Variants in TIAM1 observed in about 807,000 individuals in gnomAD.
TIAM1 encodes the protein rho guanine nucleotide exchange factor TIAM1.
A neutral mutation model predicts 163.5 loss-of-function variants in TIAM1; 65 were observed. That is an observed-to-expected ratio of 0.40 (90% CI 0.33 to 0.49). TIAM1 has a LOEUF of 0.49. Ranked by LOEUF, TIAM1 falls within the 20% of genes least tolerant of loss-of-function variation. The pLI is 0.77. For missense variants in TIAM1, 1,789 were observed against 2,044.7 expected, an observed-to-expected ratio of 0.87 and a Z score of 2.41; for synonymous variants, 833 against 810.1, an observed-to-expected ratio of 1.03 and a Z score of -0.48.
chr21:31,367,998 C>T (rs1475383283), intron 2 of TIAM1, among the ~76,000 whole-genome samples: 1 of 152,152 alleles, frequency 6.6e-6, no homozygotes, highest in Non-Finnish European at 1.5e-5. Flanking sequence ...AAAATAGCCA[C>T]TCTAGAATAT....
intron 8 of TIAM1, among the ~76,000 whole-genome samples, chr21:31,219,917 C>T (rs2087462182): frequency 6.6e-6 from 1 of 152,182 alleles, no homozygotes; most frequent in African/African-American, 2.4e-5. Context: ...TCTCTATTTT[C>T]ATCACTTTCT....
intron 2 of TIAM1, among the ~76,000 whole-genome samples, chr21:31,361,613 T>C (rs1401190219): frequency 6.6e-6 from 1 of 152,200 alleles, no homozygotes; most frequent in Non-Finnish European, 1.5e-5. Flanking sequence ...CACTGAATAG[T>C]AACCCCTTCC....
At chr21:31,396,036 A>C (rs2077062569) in intron 2 of TIAM1, among the ~76,000 whole-genome samples, 1 of 152,226 alleles carries the variant, frequency 6.6e-6, no homozygotes, top group Non-Finnish European at 1.5e-5. Context: ...CAGAGTGCTA[A>C]ACTAAATTAG....
At chr21:31,316,226 G>A (rs912287686) in intron 2 of TIAM1, among the ~76,000 whole-genome samples, 7 of 152,130 alleles carry the variant, frequency 4.6e-5, no homozygotes, top group African/African-American at 1.4e-4. Context: ...CAAAATTGAA[G>A]ATTGTCACCT....
chr21:31,234,901 CTAATCAGAAATGGGAACA>C (rs2088660475), intron 6 of TIAM1, among the ~76,000 whole-genome samples: 1 of 152,116 alleles, frequency 6.6e-6, no homozygotes, highest in Non-Finnish European at 1.5e-5. Context: ...CACAAACATG[CTAATCAGAAATGGGAACA>C]TAATCAGAAA....
intron 1 of TIAM1, among the ~76,000 whole-genome samples, chr21:31,542,383 C>T (rs935629767): frequency 1.1e-4 from 16 of 151,678 alleles, no homozygotes; most frequent in Admixed American, 7.2e-4. Context: ...GCCGAGACCG[C>T]GCCACTGCAC....
At chr21:31,129,998 T>C (rs1431116427) in intron 25 of TIAM1, among the ~76,000 whole-genome samples, 3 of 152,028 alleles carry the variant, frequency 2.0e-5, no homozygotes, top group African/African-American at 7.2e-5. Context: ...AGTTCATTCA[T>C]TCACTTGGTT....
chr21:31,128,684 A>G (rs2082299161), intron 25 of TIAM1, among the ~76,000 whole-genome samples: 1 of 151,248 alleles, frequency 6.6e-6, no homozygotes, highest in Non-Finnish European at 1.5e-5. Context: ...TGCAAATCAC[A>G]TCATAAGTAA....
At chr21:31,531,579 A>G (rs2147517470) in intron 1 of TIAM1, among the ~76,000 whole-genome samples, 1 of 152,314 alleles carries the variant, frequency 6.6e-6, no homozygotes, top group South Asian at 2.1e-4. Flanking sequence ...AGTAGCATAC[A>G]TTATAGAAGG....
intron 8 of TIAM1, among the ~76,000 whole-genome samples, chr21:31,217,940 C>T (rs1397998329): frequency 1.3e-5 from 2 of 152,120 alleles, no homozygotes; most frequent in East Asian, 1.9e-4. Flanking sequence ...AAATCATCAG[C>T]AAAAATACAT....
chr21:31,144,464 C>T (rs1351440515), intron 20 of TIAM1, among the ~76,000 whole-genome samples: 1 of 152,206 alleles, frequency 6.6e-6, no homozygotes. Flanking sequence ...TGTGAGTCCG[C>T]GATGAACATG....
chr21:31,295,272 C>T (rs545771540), intron 2 of TIAM1, among the ~76,000 whole-genome samples: 178 of 152,146 alleles, frequency 1.2e-3, no homozygotes, highest in South Asian at 8.3e-3. Flanking sequence ...AAATCGAGAC[C>T]ATCCCGGCTA....
At chr21:31,381,529 A>G (rs897671003) in intron 2 of TIAM1, among the ~76,000 whole-genome samples, 1 of 152,138 alleles carries the variant, frequency 6.6e-6, no homozygotes, top group Non-Finnish European at 1.5e-5. Context: ...TTAGCTGGGC[A>G]TGATGGTACA....
At chr21:31,128,413 T>G (rs2082290050) in intron 25 of TIAM1, among the ~76,000 whole-genome samples, 1 of 152,148 alleles carries the variant, frequency 6.6e-6, no homozygotes, top group South Asian at 2.1e-4. Flanking sequence ...CAAAGATGGC[T>G]TTGTCTTCAA....
At chr21:31,179,363 G>C (rs2084909616) in intron 15 of TIAM1, among the ~76,000 whole-genome samples, 2 of 151,552 alleles carry the variant, frequency 1.3e-5, no homozygotes, top group African/African-American at 4.8e-5. Flanking sequence ...CTCCAGCCTG[G>C]GCAACAAGAC....
At chr21:31,373,518 A>T (rs1194709205) in intron 2 of TIAM1, among the ~76,000 whole-genome samples, 2 of 152,190 alleles carry the variant, frequency 1.3e-5, no homozygotes, top group African/African-American at 4.8e-5. Context: ...ATCTCGTGAG[A>T]CTTATTTATA....
chr21:31,330,180 T>C (rs2075633001), intron 2 of TIAM1, among the ~76,000 whole-genome samples: 2 of 152,232 alleles, frequency 1.3e-5, no homozygotes, highest in African/African-American at 4.8e-5. Flanking sequence ...GCACCAGTCC[T>C]GTGTGCCCTG....
At chr21:31,199,532 AT>A (rs59602143) in intron 12 of TIAM1, among the ~76,000 whole-genome samples, 13,638 of 139,306 alleles carry the variant, frequency 0.098, 755 homozygotes, top group Admixed American at 0.21. Context: ...AGCCTAGAAC[AT>A]TTTTTTTTTT....
At chr21:31,129,411 G>A (rs965050002) in intron 25 of TIAM1, among the ~76,000 whole-genome samples, 2 of 152,230 alleles carry the variant, frequency 1.3e-5, no homozygotes, top group South Asian at 4.1e-4. Flanking sequence ...GGGCATGGCA[G>A]CTCACGTCTG....
Sources: gnomAD v4.1 joint callset for allele counts (sites outside exome capture counted in the v4.1 genomes callset) on GRCh38, gnomAD v4.1.1 for gene constraint, MANE v1.5 for transcripts, NCBI Gene and HGNC (gene_info 2026-07-23, HGNC 2026-07-21) for gene names.